Variants in CSMD1 observed in about 807,000 individuals in gnomAD.
CSMD1 encodes the protein CUB and sushi domain-containing protein 1.
A neutral mutation model predicts 417.5 loss-of-function variants in CSMD1; 213 were observed. That is an observed-to-expected ratio of 0.51 (90% CI 0.46 to 0.57). The LOEUF (loss-of-function observed/expected upper bound fraction) is 0.57, where lower values mean the gene tolerates loss of function less well. CSMD1 is among the 20% of genes least tolerant of loss of function. The pLI is 0.00. For missense variants in CSMD1, 6,923 were observed against 4,529.7 expected (o/e 1.53, Z -15.17); for synonymous variants, 2,862 against 1,736.8 (o/e 1.65, Z -16.11).
At position 4,139,659 on chromosome 8, in the gene CSMD1, G is replaced by C. The variant is rs972292377; in HGVS notation, c.416-107560C>G. Reference sequence around the variant, plus strand: ...TGGGACCAGCAGATGCAAGGGCAAAGGGATGCCAAACAGTGCCATTTGCAA... The same window carrying C: ...TGGGACCAGCAGATGCAAGGGCAAACGGATGCCAAACAGTGCCATTTGCAA... On this transcript the variant is annotated intron_variant, in intron 3 of 69. Transcript: ENST00000635120. Among the ~76,000 whole-genome samples, 13 of 151,184 alleles carry C rather than the reference G, an allele frequency of 8.6e-5. 1 individual carries two copies. Among genetic ancestry groups the C allele is most frequent in the Admixed American group, 2.6e-4 (4 of 15,224 alleles).
At position 3,931,552 on chromosome 8, in the gene CSMD1, T is replaced by C. The variant is rs147197244; in HGVS notation, c.818+66351A>G. Among the ~76,000 whole-genome samples, 35 of 150,290 alleles carry C rather than the reference T, an allele frequency of 2.3e-4. 3 individuals carry two copies. In the East Asian group the frequency reaches 6.9e-3, roughly 30 times the overall value. On this transcript the variant is annotated intron_variant, in intron 5 of 69. Coordinates refer to ENST00000635120, the MANE Select transcript of CSMD1 (RefSeq NM_033225.6). ...ACAGTAAATTTGTTTAACAAACTTC[T>C]TGTGGAGGGAGGTCAGGCAGCAGTC...
At chr8:4,491,009 C>T (rs940679725) in intron 2 of CSMD1, among the ~76,000 whole-genome samples, 2 of 152,036 alleles carry the variant, frequency 1.3e-5, no homozygotes, top group African/African-American at 4.8e-5. Flanking sequence ...TGTATTGAGG[C>T]TAGGGACATG....
At chr8:4,036,115 G>A (rs188021683) in intron 3 of CSMD1, among the ~76,000 whole-genome samples, 11 of 152,148 alleles carry the variant, frequency 7.2e-5, no homozygotes, top group African/African-American at 2.4e-4. Context: ...AGGAGTACTA[G>A]GCTACACCAC....
chr8:3,512,723 C>G (rs1044431972), intron 10 of CSMD1, among the ~76,000 whole-genome samples: 1 of 151,514 alleles, frequency 6.6e-6, no homozygotes, highest in Non-Finnish European at 1.5e-5. Context: ...ATTCTCCTGC[C>G]TCAGCTTCCC....
intron 50 of CSMD1, among the ~76,000 whole-genome samples, chr8:3,036,732 T>G (rs1002295707): frequency 2.0e-5 from 3 of 152,154 alleles, no homozygotes; most frequent in African/African-American, 7.2e-5. Flanking sequence ...TTAAATGTGT[T>G]TCATACCATC....
intron 1 of CSMD1, among the ~76,000 whole-genome samples, chr8:4,734,311 G>A (rs293891): frequency 0.91 from 139,212 of 152,186 alleles, 63,862 homozygotes; most frequent in East Asian, 0.99. Context: ...GCAAATTATT[G>A]TTTATGGATG....
intron 10 of CSMD1, among the ~76,000 whole-genome samples, chr8:3,520,157 A>G (rs899787270): frequency 6.6e-6 from 1 of 151,968 alleles, no homozygotes; most frequent in African/African-American, 2.4e-5. Flanking sequence ...CTGTTAAGAA[A>G]CCAGAACCGA....
chr8:3,527,881 C>T (rs888046674), intron 10 of CSMD1, among the ~76,000 whole-genome samples: 3 of 152,202 alleles, frequency 2.0e-5, no homozygotes, highest in Non-Finnish European at 2.9e-5. Flanking sequence ...TTCTCAGCCT[C>T]AGCACCACGG....
chr8:3,568,788 G>A (rs1386355528), intron 10 of CSMD1, among the ~76,000 whole-genome samples: 1 of 151,912 alleles, frequency 6.6e-6, no homozygotes, highest in African/African-American at 2.4e-5. Context: ...GTTAGTAGAA[G>A]ACAGGTCTTC....
chr8:4,209,093 T>C (rs969895092), intron 3 of CSMD1, among the ~76,000 whole-genome samples: 2 of 152,206 alleles, frequency 1.3e-5, no homozygotes, highest in African/African-American at 2.4e-5. Context: ...TCTTCACCCT[T>C]GCTCGCTGAT....
intron 3 of CSMD1, among the ~76,000 whole-genome samples, chr8:4,294,917 C>G (rs938182592): frequency 7.9e-5 from 12 of 151,518 alleles, no homozygotes; most frequent in African/African-American, 2.9e-4. Context: ...CCTCAGGTAA[C>G]CATGTGGTCC....
chr8:3,489,802 A>G (rs1350083076), intron 11 of CSMD1, among the ~76,000 whole-genome samples: 1 of 152,210 alleles, frequency 6.6e-6, no homozygotes. Context: ...AATTTCTCTT[A>G]AAATCGAGAT....
chr8:4,609,008 T>C (rs185730864), intron 2 of CSMD1, among the ~76,000 whole-genome samples: 1 of 139,264 alleles, frequency 7.2e-6, no homozygotes, highest in East Asian at 2.2e-4. Context: ...CATACTTGAA[T>C]GTAGAAAAAA....
intron 1 of CSMD1, among the ~76,000 whole-genome samples, chr8:4,833,437 C>A (rs1800267885): frequency 6.6e-6 from 1 of 152,168 alleles, no homozygotes. Flanking sequence ...CCCCATGATC[C>A]AATCACCTCT....
At chr8:3,755,051 G>T (rs553805306) in intron 5 of CSMD1, among the ~76,000 whole-genome samples, 2 of 152,328 alleles carry the variant, frequency 1.3e-5, no homozygotes, top group African/African-American at 4.8e-5. Context: ...CAGTTTAGTT[G>T]TCAGAAACAA....
intron 3 of CSMD1, among the ~76,000 whole-genome samples, chr8:4,410,738 G>A (rs946621540): frequency 1.3e-5 from 2 of 152,232 alleles, no homozygotes; most frequent in Admixed American, 6.5e-5. Flanking sequence ...ATAAAATTAT[G>A]ATTAAGATGA....
chr8:4,973,738 C>T (rs1223906950), intron 1 of CSMD1, among the ~76,000 whole-genome samples: 1 of 152,122 alleles, frequency 6.6e-6, no homozygotes, highest in Non-Finnish European at 1.5e-5. Context: ...TGCTGATGTG[C>T]ATTTATTTAT....
Position 4,853,635 on chromosome 8 carries a change from T to C in CSMD1, c.85+140697A>G, listed in dbSNP as rs114166593. 1.7e-3 allele frequency among the ~76,000 whole-genome samples: 264 copies of C among 152,276 alleles called. 2 individuals are homozygous for C. The highest frequency in any genetic ancestry group is 5.7e-3 in the African/African-American group (239 of 41,568). On this transcript the variant is annotated intron_variant, in intron 1 of 69. Coordinates refer to ENST00000635120, the MANE Select transcript of CSMD1 (RefSeq NM_033225.6). ...AGGGAAATGTGGCATTGGAACCCCA[T>C]GGAATGTCCCCACTGGAACACTACC...
At chr8:3,680,169 A>C (rs767136276) in intron 7 of CSMD1, among the ~76,000 whole-genome samples, 2 of 152,198 alleles carry the variant, frequency 1.3e-5, no homozygotes, top group Non-Finnish European at 2.9e-5. Context: ...AGCAGAAGGC[A>C]AGAAACAACT....
Sources: gnomAD v4.1 joint callset for allele counts (sites outside exome capture counted in the v4.1 genomes callset) on GRCh38, gnomAD v4.1.1 for gene constraint, MANE v1.5 for transcripts, NCBI Gene and HGNC (gene_info 2026-07-23, HGNC 2026-07-21) for gene names.